SLC24A2: variants seen among roughly 807,000 people sequenced by gnomAD.
SLC24A2 encodes the protein solute carrier family 24 member 2, also known as sodium/potassium/calcium exchanger 2.
SLC24A2 carries 36 observed loss-of-function variants against 62.0 expected under a neutral mutation model. The ratio of observed to expected loss-of-function variants is 0.58; its 90% CI spans 0.44 to 0.77. The LOEUF (loss-of-function observed/expected upper bound fraction) is 0.77, where lower values mean the gene tolerates loss of function less well. SLC24A2 is among the 30% of genes least tolerant of loss of function. SLC24A2 has a pLI of 0.00. For missense variants in SLC24A2, 846 were observed against 817.9 expected, an observed-to-expected ratio of 1.03 and a Z score of -0.42; for synonymous variants, 358 against 294.0, an observed-to-expected ratio of 1.22 and a Z score of -2.23.
At chr9:19,560,908 TATATATATAGAGAGAG>T (rs1478807038) in intron 7 of SLC24A2, among the ~76,000 whole-genome samples, 123 of 58,856 alleles carry the variant, frequency 2.1e-3, no homozygotes, top group African/African-American at 9.0e-3. Context: ...TATATATATA[TATATATATAGAGAGAG>T]AGAGAGAGAG....
chr9:20,198,396 T>G, the SLC24A2 span, among the ~76,000 whole-genome samples: 1 of 152,194 alleles, frequency 6.6e-6, no homozygotes, highest in Admixed American at 6.5e-5. Flanking sequence ...GCTCTTCCTT[T>G]CCTTAGATCA....
chr9:20,196,471 C>T, the SLC24A2 span, among the ~76,000 whole-genome samples: 1 of 152,162 alleles, frequency 6.6e-6, no homozygotes, highest in East Asian at 1.9e-4. Flanking sequence ...AATTTATCGC[C>T]TTTATTTAAA....
chr9:19,697,429 G>T (rs1160105068), intron 2 of SLC24A2, among the ~76,000 whole-genome samples: 1 of 152,084 alleles, frequency 6.6e-6, no homozygotes, highest in African/African-American at 2.4e-5. Flanking sequence ...ATGTACCCCA[G>T]AATTTAAAAT....
intron 7 of SLC24A2, among the ~76,000 whole-genome samples, chr9:19,561,230 T>G (rs1403626064): frequency 2.0e-5 from 3 of 149,794 alleles, no homozygotes; most frequent in Admixed American, 2.0e-4. Context: ...ACACCTGGCC[T>G]GTATTTGTAT....
the SLC24A2 span, among the ~76,000 whole-genome samples, chr9:20,219,184 C>T: frequency 1.3e-5 from 2 of 152,174 alleles, no homozygotes; most frequent in Admixed American, 1.3e-4. Flanking sequence ...ACACTGTTAA[C>T]ACATGTGGCA....
At chr9:20,123,832 T>C in the SLC24A2 span, among the ~76,000 whole-genome samples, 1 of 152,120 alleles carries the variant, frequency 6.6e-6, no homozygotes, top group Admixed American at 6.5e-5. Flanking sequence ...TAAAGAAAAA[T>C]AGTAAGCATC....
the SLC24A2 span, among the ~76,000 whole-genome samples, chr9:19,810,455 C>T: frequency 2.0e-5 from 3 of 152,228 alleles, no homozygotes; most frequent in East Asian, 1.9e-4. Context: ...CCAAACAGTT[C>T]GAGACAAAAT....
At chr9:19,577,138 C>T (rs938441267) in intron 5 of SLC24A2, 116 bp from the exon 6 acceptor site, 18 of 822,128 alleles carry the variant, frequency 2.2e-5, no homozygotes, top group Non-Finnish European at 3.7e-5. Flanking sequence ...CCACTCCATT[C>T]TGTCCAACCC....
At chr9:20,040,170 C>A in the SLC24A2 span, among the ~76,000 whole-genome samples, 5 of 152,068 alleles carry the variant, frequency 3.3e-5, no homozygotes, top group African/African-American at 1.2e-4. Context: ...CCAACACTTA[C>A]CATCTTGAAT....
the SLC24A2 span, among the ~76,000 whole-genome samples, chr9:19,842,134 A>G: frequency 5.3e-5 from 8 of 152,338 alleles, no homozygotes; most frequent in Non-Finnish European, 8.8e-5. Flanking sequence ...TAGGAAGCAT[A>G]CATATTCTAA....
At chr9:19,681,341 T>A (rs1819716777) in intron 2 of SLC24A2, among the ~76,000 whole-genome samples, 2 of 152,178 alleles carry the variant, frequency 1.3e-5, no homozygotes, top group African/African-American at 4.8e-5. Context: ...TCCACCTTAT[T>A]TAAAATTGCA....
chr9:20,219,512 C>T, the SLC24A2 span, among the ~76,000 whole-genome samples: 1 of 152,154 alleles, frequency 6.6e-6, no homozygotes, highest in African/African-American at 2.4e-5. Context: ...GTTGAATGGA[C>T]CCATTCTGTG....
chr9:19,910,602 C>T, the SLC24A2 span, among the ~76,000 whole-genome samples: 1 of 152,204 alleles, frequency 6.6e-6, no homozygotes, highest in African/African-American at 2.4e-5. Context: ...TTGCAGGTCT[C>T]CACATATAGC....
intron 8 of SLC24A2, among the ~76,000 whole-genome samples, chr9:19,542,054 C>G (rs1196596819): frequency 2.0e-5 from 3 of 152,220 alleles, no homozygotes; most frequent in Admixed American, 1.3e-4. Context: ...ATGCCTCGCC[C>G]TGCTTCGGCT....
the SLC24A2 span, among the ~76,000 whole-genome samples, chr9:20,000,777 G>T: frequency 6.5e-4 from 99 of 152,138 alleles, no homozygotes; most frequent in Non-Finnish European, 1.2e-3. Flanking sequence ...ATGCCCTAGA[G>T]ACTAAGTTAA....
intron 2 of SLC24A2, among the ~76,000 whole-genome samples, chr9:19,773,234 T>C (rs1822743618): frequency 6.6e-6 from 1 of 152,178 alleles, no homozygotes; most frequent in Non-Finnish European, 1.5e-5. Flanking sequence ...AATTAGATAG[T>C]GATGATGGTT....
chr9:20,152,827 C>T, the SLC24A2 span, among the ~76,000 whole-genome samples: 1 of 151,788 alleles, frequency 6.6e-6, no homozygotes, highest in Non-Finnish European at 1.5e-5. Context: ...TAAAATGGGG[C>T]CTTGCTTTTA....
At chr9:20,071,975 C>T in the SLC24A2 span, among the ~76,000 whole-genome samples, 2 of 151,944 alleles carry the variant, frequency 1.3e-5, no homozygotes, top group South Asian at 2.1e-4. Flanking sequence ...GAGATACAGA[C>T]GGCAAGGTCT....
intron 5 of SLC24A2, among the ~76,000 whole-genome samples, chr9:19,577,832 T>A (rs892756909): frequency 3.4e-5 from 5 of 148,192 alleles, no homozygotes; most frequent in Admixed American, 1.4e-4. Context: ...ATATATATAT[T>A]ATATATAGTT....
Sources: allele counts gnomAD v4.1 joint callset (sites outside exome capture counted in the v4.1 genomes callset), GRCh38; gene constraint gnomAD v4.1.1; transcripts MANE v1.5; gene names NCBI Gene and HGNC (gene_info 2026-07-23, HGNC 2026-07-21).